The following HYOU1 variants were observed in gnomAD, a reference collection of about 807,000 sequenced individuals.
The protein encoded by HYOU1 is hypoxia up-regulated protein 1.
In HYOU1, 40 loss-of-function variants were observed where a neutral mutation model predicts 120.5. That is an observed-to-expected ratio of 0.33 (90% confidence interval 0.26 to 0.43). The LOEUF (loss-of-function observed/expected upper bound fraction) is 0.43. Ranked by LOEUF, HYOU1 falls within the 20% of genes least tolerant of loss-of-function variation. The pLI is 1.00. For missense variants in HYOU1, 1,085 were observed against 1,278.3 expected, an observed-to-expected ratio of 0.85 and a Z score of 2.31; for synonymous variants, 501 against 479.4, an observed-to-expected ratio of 1.05 and a Z score of -0.59.
chr11:119,045,444 C>A lies in HYOU1; in HGVS notation c.*149G>T. The A allele has an allele frequency of 1.3e-6, 1 of 779,702 alleles. No individual in the cohort carries two copies. Among genetic ancestry groups the A allele is most frequent in the Admixed American group, 1.8e-5 (1 of 54,484 alleles). 48.3% of individuals were successfully genotyped at this position (779,702 alleles called of 1,614,324 possible). A position where few individuals can be genotyped will look rare whatever the true frequency, so the allele number is the denominator to read the frequency against. ...GAAGGAACCAGTGAGCTGTCCCTCCCTTCCCCTTCTCCACACCTCCAAATC... is the reference window on the plus strand; with the variant it reads ...GAAGGAACCAGTGAGCTGTCCCTCCATTCCCCTTCTCCACACCTCCAAATC... On this transcript the variant is annotated 3_prime_UTR_variant, in exon 26 of 26. Transcript: ENST00000617285.
At chr11:119,056,541 C>A (rs535749197) in intron 1 of HYOU1, 1 of 375,820 alleles carries the variant, frequency 2.7e-6, no homozygotes, top group South Asian at 2.0e-5. Flanking sequence ...CCGCCCAGGG[C>A]TCAACCACCT....
Position 119,048,670 on chromosome 11 carries a change from C to T in HYOU1, c.2165+44G>A. 1.2e-6 allele frequency: 2 copies of T among 1,606,444 alleles called. No homozygotes were observed. The highest frequency in any genetic ancestry group is 1.7e-6 in the Non-Finnish European group (2 of 1,175,848). On this transcript the variant is annotated intron_variant, in intron 18 of 25. Transcript: ENST00000617285. The surrounding 1 kb of genome is among the most constrained non-coding windows in gnomAD (Gnocchi z 4.7). ...GGGCGCCATCCCACATCCTGCCCAC[C>T]TTGCACACACATGTACACACACACA...
In HYOU1 at chr11:119,045,552, G is replaced by T; in HGVS notation, c.*41C>A. ...GATGTTAAATAAATAGAAGTGGTGG[G>T]GGAAGGGGGTGGAGATGAATGGGGA... is the stretch of plus-strand genomic sequence containing the variant. On this transcript the variant is annotated 3_prime_UTR_variant, in exon 26 of 26. Coordinates refer to ENST00000617285, the MANE Select transcript of HYOU1 (RefSeq NM_006389.5). The T allele has an allele frequency of 6.6e-7, 1 of 1,521,126 alleles. No homozygotes were observed. The allele number at this position is 1,521,126 out of a possible 1,614,324, so 94.2% of individuals were successfully genotyped here.
At chr11:119,049,672 C>T in intron 15 of HYOU1, 37 bp from the exon 16 acceptor site, 1 of 1,609,874 alleles carries the variant, frequency 6.2e-7, no homozygotes, top group Non-Finnish European at 8.5e-7. Flanking sequence ...AAAAGGAGAC[C>T]ACAGCAGTGA....
At chr11:119,050,600 C>T (rs2133579662) in intron 14 of HYOU1, among the ~76,000 whole-genome samples, 3 of 150,564 alleles carry the variant, frequency 2.0e-5, no homozygotes, top group South Asian at 2.1e-4. Flanking sequence ...ACATACGTAT[C>T]GTCCCAGCTA....
intron 1 of HYOU1, chr11:119,056,775 G>T: frequency 4.6e-6 from 1 of 219,294 alleles, no homozygotes; most frequent in Non-Finnish European, 9.3e-6. Flanking sequence ...CCGGCGGGTA[G>T]CCGTTACCCG....
At chr11:119,053,192 T>C (rs1222415495) in intron 8 of HYOU1, 3 of 210,772 alleles carry the variant, frequency 1.4e-5, no homozygotes, top group Non-Finnish European at 2.8e-5. Flanking sequence ...GAGGGGACAA[T>C]GCCTGCAGAA....
Position 119,051,244 on chromosome 11 carries a change from T to C in HYOU1, c.1527-71A>G. On this transcript the variant is annotated intron_variant, in intron 13 of 25. Transcript: ENST00000617285. The surrounding 1 kb of genome is among the most constrained non-coding windows in gnomAD (Gnocchi z 4.2). ...ATCTCGCCCTCTAGACTACATGGCC[T>C]CCTGGCACAAGGTGTCAGGGGCACT... is the stretch of plus-strand genomic sequence containing the variant. 1 of 1,591,204 alleles carries C rather than the reference T, an allele frequency of 6.3e-7. No homozygotes were observed. Among genetic ancestry groups the C allele is most frequent in the South Asian group, 1.1e-5 (1 of 88,302 alleles).
chr11:119,046,883 A>C (rs1592133233), intron 22 of HYOU1, 81 bp from the exon 23 acceptor site: 9 of 1,527,336 alleles, frequency 5.9e-6, no homozygotes. Flanking sequence ...CACACCCCCA[A>C]CCAGCCTCTT....
intron 8 of HYOU1, chr11:119,053,092 G>A (rs1374478550): frequency 2.4e-6 from 1 of 409,046 alleles, no homozygotes; most frequent in African/African-American, 2.0e-5. Flanking sequence ...TACAAATGTG[G>A]CGGTGGGGAG....
intron 23 of HYOU1, 37 bp downstream of exon 23, chr11:119,046,525 G>C: frequency 6.2e-7 from 1 of 1,614,068 alleles, no homozygotes; most frequent in Non-Finnish European, 8.5e-7. Context: ...CTGTCTCCCT[G>C]TCCAGCAGAA....
At position 119,054,189 on chromosome 11, in the gene HYOU1, A is replaced by G; in HGVS notation, c.726T>C (p.Ile242=). The change falls in exon 8 of 26, where the codon ATT becomes ATC. Residue 242 remains isoleucine (I), a synonymous_variant. Transcript: ENST00000617285. ...DMGSGSTVCT[I]VTYQMVKTKE... ...TAGTCTTCACCATCTGGTAGGTCACAATGGTGCATACGGTGCTGCCTGAGC... is the reference window on the plus strand; with the variant it reads ...TAGTCTTCACCATCTGGTAGGTCACGATGGTGCATACGGTGCTGCCTGAGC... 3 of 1,614,094 alleles carry G rather than the reference A, an allele frequency of 1.9e-6. No individual in the cohort carries two copies. The South Asian group carries it at 3.3e-5, about 18-fold the overall frequency.
At position 119,051,976 on chromosome 11, in the gene HYOU1, C is replaced by G. The variant is rs373521322; in HGVS notation, c.1206-25G>C. 1.2e-6 allele frequency: 2 copies of G among 1,613,866 alleles called. No homozygotes were observed. The highest frequency in any genetic ancestry group is 1.7e-5 in the Admixed American group (1 of 60,000). The stretch of plus-strand genomic sequence containing the variant: ...CCTGGGAAAGCCCCAAGCCTCAGCA[C>G]GGTCTACCCTGGAGCATGCAACCGG... On this transcript the variant is annotated intron_variant, in intron 11 of 25. Coordinates refer to ENST00000617285, the MANE Select transcript of HYOU1 (RefSeq NM_006389.5). The surrounding 1 kb of genome is among the most constrained non-coding windows in gnomAD (Gnocchi z 4.2).
At position 119,051,994 on chromosome 11, in the gene HYOU1, G is replaced by A. The variant is rs2133589511; in HGVS notation, c.1206-43C>T. 1.2e-6 allele frequency: 2 copies of A among 1,613,294 alleles called. No individual in the cohort carries two copies. The highest frequency in any genetic ancestry group is 1.7e-6 in the Non-Finnish European group (2 of 1,179,332). On this transcript the variant is annotated intron_variant, in intron 11 of 25. Coordinates refer to ENST00000617285, the MANE Select transcript of HYOU1 (RefSeq NM_006389.5). This position sits in a 1 kb window ranked among gnomAD's most constrained non-coding sequence, Gnocchi z 4.2. ...CTCAGCACGGTCTACCCTGGAGCAT[G>A]CAACCGGGACTTCCCTCCCCTCAGC... is the stretch of plus-strand genomic sequence containing the variant.
intron 22 of HYOU1, chr11:119,047,140 C>T (rs1472469194): frequency 3.1e-5 from 7 of 223,304 alleles, no homozygotes; most frequent in South Asian, 7.9e-5. Context: ...CTGCAACCTC[C>T]GACTCCTGGG....
rs1249384150 is a variant in HYOU1 at position 119,051,517 on chromosome 11, T to G, written c.1447A>C (p.Thr483Pro). The stretch of plus-strand genomic sequence containing the variant: ...AAATCATGGCTGTAGCGGTTAAAGG[T>G]GATGACTTTGCGTTGAGGGTAGGGC... ...MGPYPQRKVITFNRYSHDFNF... is the reference protein window; with the variant it reads ...MGPYPQRKVIPFNRYSHDFNF... The change falls in exon 13 of 26, where the codon ACC becomes CCC. Residue 483 changes from threonine (T) to proline (P), a missense_variant. Coordinates refer to ENST00000617285, the MANE Select transcript of HYOU1 (RefSeq NM_006389.5). This position sits in a 1 kb window ranked among gnomAD's most constrained non-coding sequence, Gnocchi z 4.2. 6.2e-7 allele frequency: 1 copy of G among 1,613,940 alleles called. No individual in the cohort carries two copies. The highest frequency in any genetic ancestry group is 8.5e-7 in the Non-Finnish European group (1 of 1,179,982).
At chr11:119,056,330 C>T in intron 1 of HYOU1, 163 bp from the exon 2 acceptor site, 2 of 691,918 alleles carry the variant, frequency 2.9e-6, no homozygotes, top group Non-Finnish European at 5.3e-6. Flanking sequence ...GGGTACAAAC[C>T]ATTCTCTAAT....
intron 16 of HYOU1, 152 bp from the exon 17 acceptor site, chr11:119,049,355 G>C (rs2133572343): frequency 1.9e-5 from 30 of 1,552,916 alleles, no homozygotes; most frequent in Non-Finnish European, 2.4e-5. Flanking sequence ...AATCTAGCTG[G>C]ACAAAGGAAG....
At position 119,054,509 on chromosome 11, in the gene HYOU1, A is replaced by G; in HGVS notation, c.663T>C (p.Ile221=). The G allele has an allele frequency of 6.2e-7, 1 of 1,614,150 alleles. No individual in the cohort carries two copies. The highest frequency in any genetic ancestry group is 8.5e-7 in the Non-Finnish European group (1 of 1,180,030). Residue 221 remains isoleucine (I), a synonymous_variant, in exon 7 of 26, where the codon ATT becomes ATC. Coordinates refer to ENST00000617285, the MANE Select transcript of HYOU1 (RefSeq NM_006389.5). ...CCTGGCTCACCTGGGCAGTGGTGTT[A>G]ATATCTTTCCGGCGGAAGACACCAT... ...LSYGVFRRKD[I]NTTAQNIMFY...
Sources: allele counts gnomAD v4.1 joint callset (sites outside exome capture counted in the v4.1 genomes callset), GRCh38; gene constraint gnomAD v4.1.1; non-coding constraint Gnocchi (gnomAD v3.1); transcripts MANE v1.5; gene names NCBI Gene and HGNC (gene_info 2026-07-23, HGNC 2026-07-21).